SOX5: variants seen among roughly 807,000 people sequenced by gnomAD.
SOX5 encodes SRY-box transcription factor 5, also known as transcription factor SOX-5.
Under a neutral mutation model 92.0 loss-of-function variants are expected in SOX5, and 9 were observed. The ratio of observed to expected loss-of-function variants is 0.10; its 90% confidence interval spans 0.06 to 0.17. The LOEUF (loss-of-function observed/expected upper bound fraction) is 0.17. SOX5 is among the 10% of genes least tolerant of loss of function. The pLI, the probability that SOX5 is intolerant of heterozygous loss-of-function variation, is 1.00. For missense variants in SOX5, 642 were observed against 944.5 expected, an observed-to-expected ratio of 0.68 and a Z score of 4.20; for synonymous variants, 344 against 336.3, an observed-to-expected ratio of 1.02 and a Z score of -0.25.
chr12:23,875,330 T>A (rs1313285352), intron 2 of SOX5, among the ~76,000 whole-genome samples: 1 of 152,172 alleles, frequency 6.6e-6, no homozygotes, highest in Admixed American at 6.5e-5. Context: ...GTTTGTATCA[T>A]TAGGAAAGTT....
intron 1 of SOX5, among the ~76,000 whole-genome samples, chr12:24,471,484 G>A (rs1944817574): frequency 6.6e-6 from 1 of 152,170 alleles, no homozygotes. Flanking sequence ...AATTATCATT[G>A]TAAAATACTG....
At chr12:24,497,504 G>A (rs1456183858) in intron 1 of SOX5, among the ~76,000 whole-genome samples, 2 of 152,122 alleles carry the variant, frequency 1.3e-5, no homozygotes, top group Admixed American at 1.3e-4. Context: ...CATTCTCAGT[G>A]TTTCAAATGG....
intron 2 of SOX5, among the ~76,000 whole-genome samples, chr12:24,277,863 A>C (rs1298241107): frequency 6.6e-6 from 1 of 152,142 alleles, no homozygotes; most frequent in Non-Finnish European, 1.5e-5. Flanking sequence ...AGTAATTGTT[A>C]AATGTTCAGC....
In SOX5 at chr12:23,797,792, C is replaced by T. The variant is rs567944061; in HGVS notation, c.482-42068G>A. The stretch of plus-strand genomic sequence containing the variant: ...TCTTTCCGTAAAAGATAAAGCTATG[C>T]GCTAGCCTTCGATACTGTACAATGT... On this transcript the variant is annotated intron_variant, in intron 3 of 14. Coordinates refer to ENST00000451604, the MANE Select transcript of SOX5 (RefSeq NM_006940.6). Among the ~76,000 whole-genome samples, 13 of 152,114 alleles carry T rather than the reference C, an allele frequency of 8.5e-5. No homozygotes were observed. In the East Asian group the frequency reaches 1.9e-3, roughly 23 times the overall value.
chr12:23,941,721 A>G (rs941692123), intron 1 of SOX5, among the ~76,000 whole-genome samples: 3 of 151,638 alleles, frequency 2.0e-5, no homozygotes, highest in African/African-American at 7.2e-5. Flanking sequence ...TCAAGATCAA[A>G]GTTGAATTAG....
At chr12:23,953,046 G>T (rs1265183575), upstream of SOX5, among the ~76,000 whole-genome samples, 1 of 152,060 alleles carries the variant, frequency 6.6e-6, no homozygotes, top group South Asian at 2.1e-4. Flanking sequence ...TATAAAAGCT[G>T]TCATTAAGCT....
intron 3 of SOX5, among the ~76,000 whole-genome samples, chr12:23,759,066 C>CACAG (rs1567536435): frequency 2.3e-4 from 34 of 150,862 alleles, no homozygotes; most frequent in African/African-American, 6.8e-4. Context: ...CACACACACA[C>CACAG]TGTCCCTCAT....
At chr12:24,409,152 G>T (rs1963592957) in intron 1 of SOX5, among the ~76,000 whole-genome samples, 1 of 152,174 alleles carries the variant, frequency 6.6e-6, no homozygotes, top group Non-Finnish European at 1.5e-5. Flanking sequence ...GCCATAAAAA[G>T]AAATGAGATA....
At chr12:23,722,601 C>T (rs895822457) in intron 6 of SOX5, among the ~76,000 whole-genome samples, 4 of 152,198 alleles carry the variant, frequency 2.6e-5, no homozygotes, top group Non-Finnish European at 5.9e-5. Context: ...CTCTTTCTTT[C>T]ACCCTTTGAA....
intron 4 of SOX5, among the ~76,000 whole-genome samples, chr12:23,959,806 A>G (rs879803251): frequency 4.6e-5 from 7 of 152,208 alleles, no homozygotes; most frequent in Non-Finnish European, 7.4e-5. Flanking sequence ...CATTATAATG[A>G]AAAATGCAAT....
chr12:23,727,881 T>G (rs2093220134), intron 6 of SOX5, among the ~76,000 whole-genome samples: 1 of 152,198 alleles, frequency 6.6e-6, no homozygotes, highest in East Asian at 1.9e-4. Flanking sequence ...TTCTTAGCCA[T>G]GTAGCACGTG....
chr12:24,121,333 C>T (rs1398806994), intron 4 of SOX5, among the ~76,000 whole-genome samples: 1 of 152,118 alleles, frequency 6.6e-6, no homozygotes, highest in East Asian at 1.9e-4. Flanking sequence ...AAAACAAACT[C>T]ATGCTAATTT....
intron 4 of SOX5, among the ~76,000 whole-genome samples, chr12:23,746,096 T>A (rs2141076827): frequency 6.6e-6 from 1 of 152,258 alleles, no homozygotes; most frequent in South Asian, 2.1e-4. Flanking sequence ...TCACCATTTT[T>A]ACAAAAGTAC....
intron 7 of SOX5, among the ~76,000 whole-genome samples, chr12:23,659,272 A>G (rs2139265078): frequency 6.6e-6 from 1 of 152,340 alleles, no homozygotes; most frequent in East Asian, 1.9e-4. Context: ...ATCAGCAAAT[A>G]CGCCTGAGGA....
At chr12:24,507,067 G>C (rs1228710803) in intron 1 of SOX5, among the ~76,000 whole-genome samples, 1 of 152,002 alleles carries the variant, frequency 6.6e-6, no homozygotes, top group Non-Finnish European at 1.5e-5. Flanking sequence ...TGGGATTACA[G>C]GCATCAGCCA....
At chr12:24,164,241 CTG>C (rs893917583) in intron 4 of SOX5, among the ~76,000 whole-genome samples, 2 of 151,982 alleles carry the variant, frequency 1.3e-5, no homozygotes, top group Non-Finnish European at 2.9e-5. Flanking sequence ...ATCAGTAGAA[CTG>C]TAGCTGATGT....
chr12:23,762,434 A>G, intron 3 of SOX5: 1 of 397,434 alleles, frequency 2.5e-6, no homozygotes, highest in Non-Finnish European at 4.4e-6. Context: ...TATAACACAT[A>G]CCACAACAAA....
chr12:24,266,037 TG>T (rs1942965846), intron 3 of SOX5, among the ~76,000 whole-genome samples: 1 of 2,434 alleles, frequency 4.1e-4, no homozygotes, highest in Non-Finnish European at 7.5e-3. Flanking sequence ...CCAGCTAATG[TG>T]TGTGTGTGTG....
chr12:24,315,790 G>T (rs1189280248), intron 2 of SOX5, among the ~76,000 whole-genome samples: 3 of 152,208 alleles, frequency 2.0e-5, no homozygotes, highest in Non-Finnish European at 4.4e-5. Flanking sequence ...CATCCTTGTT[G>T]TAACTTTCTA....
Sources: gnomAD v4.1 joint callset for allele counts (sites outside exome capture counted in the v4.1 genomes callset) on GRCh38, gnomAD v4.1.1 for gene constraint, MANE v1.5 for transcripts, NCBI Gene and HGNC (gene_info 2026-07-23, HGNC 2026-07-21) for gene names.